N4BP2L1: variants seen among roughly 807,000 people sequenced by gnomAD.
The protein encoded by N4BP2L1 is NEDD4-binding protein 2-like 1.
N4BP2L1 carries 12 observed loss-of-function variants against 21.2 expected under a neutral mutation model. The ratio of observed to expected loss-of-function variants is 0.57; its 90% confidence interval spans 0.36 to 0.92. N4BP2L1 has a LOEUF of 0.92. N4BP2L1 is among the 40% of genes least tolerant of loss of function. The pLI, the probability that N4BP2L1 is intolerant of heterozygous loss-of-function variation, is 0.01. For synonymous variants in N4BP2L1, 104 were observed against 112.8 expected (o/e 0.92, Z 0.49); for missense variants, 259 against 310.6 (o/e 0.83, Z 1.25).
At chr13:32,406,115 TAGTC>T (rs1160675478) in intron 3 of N4BP2L1, among the ~76,000 whole-genome samples, 1 of 151,594 alleles carries the variant, frequency 6.6e-6, no homozygotes, top group Non-Finnish European at 1.5e-5. Context: ...TTCACCGTGT[TAGTC>T]AGGATGGTCT....
intron 1 of N4BP2L1, among the ~76,000 whole-genome samples, chr13:32,415,350 A>G (rs936891203): frequency 2.0e-5 from 3 of 152,238 alleles, no homozygotes; most frequent in African/African-American, 7.2e-5. Context: ...GTAGTTAACT[A>G]ACAGCTTTTG....
chr13:32,407,444 T>C (rs2073588783), intron 2 of N4BP2L1, 106 bp from the exon 3 acceptor site: 2 of 1,592,952 alleles, frequency 1.3e-6, no homozygotes, highest in Non-Finnish European at 8.5e-7. Context: ...CATCTCCTCA[T>C]CACACAACTT....
In N4BP2L1 at chr13:32,407,355, C is replaced by T. The variant is rs377472383; in HGVS notation, c.308-17G>A. 1.2e-6 allele frequency: 2 copies of T among 1,613,948 alleles called. No homozygotes were observed. Among genetic ancestry groups the T allele is most frequent in the African/African-American group, 2.7e-5 (2 of 74,898 alleles). ...CTTTTCTTGCTGCAACACAATGTTA[C>T]ATAACAGTGAACAACATGCAACAAT... On this transcript the variant is annotated splice_polypyrimidine_tract_variant and intron_variant, in intron 2 of 4. Transcript: ENST00000380130.
chr13:32,413,519 T>C (rs2073971276), intron 1 of N4BP2L1, among the ~76,000 whole-genome samples: 1 of 152,216 alleles, frequency 6.6e-6, no homozygotes, highest in Non-Finnish European at 1.5e-5. Context: ...CCCACCATGC[T>C]AAATTCAATG....
In N4BP2L1 at chr13:32,401,544, C is replaced by A. The variant is rs2073130374; in HGVS notation, c.*1398G>T. 1 of 152,130 alleles carries A rather than the reference C, an allele frequency of 6.6e-6. No individual in the cohort carries two copies. The highest frequency in any genetic ancestry group is 1.5e-5 in the Non-Finnish European group (1 of 67,996). The allele number at this position is 152,130 out of a possible 1,614,324, so 9.4% of individuals were successfully genotyped here. A position where few individuals can be genotyped will look rare whatever the true frequency, so the allele number is the denominator to read the frequency against. ...TTAAAACAGTCTCATGTACACAGAT[C>A]AAATATATAAGCAACTAAATTATAA... On this transcript the variant is annotated 3_prime_UTR_variant, in exon 5 of 5. Transcript: ENST00000380130.
chr13:32,427,608 G>A (rs1401981754), intron 1 of N4BP2L1, among the ~76,000 whole-genome samples: 1 of 152,104 alleles, frequency 6.6e-6, no homozygotes, highest in Non-Finnish European at 1.5e-5. Context: ...GCGCAGTACG[G>A]GAATCCGTCC....
chr13:32,424,501 G>A (rs910497778), intron 1 of N4BP2L1, among the ~76,000 whole-genome samples: 6 of 152,142 alleles, frequency 3.9e-5, no homozygotes, highest in African/African-American at 1.2e-4. Context: ...CCAGGCAGGC[G>A]CCTTCTCATA....
At chr13:32,414,761 A>G (rs921865355) in intron 1 of N4BP2L1, among the ~76,000 whole-genome samples, 3 of 152,208 alleles carry the variant, frequency 2.0e-5, no homozygotes, top group African/African-American at 7.2e-5. Flanking sequence ...ACAAATAAAG[A>G]AACTAGGGCT....
intron 3 of N4BP2L1, 42 bp from the exon 4 acceptor site, chr13:32,404,439 G>T: frequency 7.2e-7 from 1 of 1,393,756 alleles, no homozygotes; most frequent in South Asian, 1.2e-5. Context: ...GACATAGTAT[G>T]TATGTTTGGG....
intron 1 of N4BP2L1, among the ~76,000 whole-genome samples, chr13:32,422,321 C>T (rs948624469): frequency 5.3e-5 from 8 of 151,096 alleles, no homozygotes. Context: ...GAGATCACCC[C>T]CTTTCCGGCC....
At chr13:32,412,178 G>A (rs571498189) in intron 1 of N4BP2L1, among the ~76,000 whole-genome samples, 8 of 151,978 alleles carry the variant, frequency 5.3e-5, no homozygotes, top group South Asian at 2.1e-4. Flanking sequence ...AACTTCTCCC[G>A]CCACAACCTT....
chr13:32,418,203 C>T lies in N4BP2L1; in HGVS notation c.179+9701G>A, dbSNP rs539722108. Among the ~76,000 whole-genome samples, 6 of 152,194 alleles carry T rather than the reference C, an allele frequency of 3.9e-5. No individual in the cohort carries two copies. In the South Asian group the frequency reaches 6.2e-4, roughly 16 times the overall value. Reference sequence around the variant, plus strand: ...TTTCATGAGATGGGTCCTGGGCCCCCCTGCTGTGTGCAGCCTTGAAACTTT... The same window carrying T: ...TTTCATGAGATGGGTCCTGGGCCCCTCTGCTGTGTGCAGCCTTGAAACTTT... On this transcript the variant is annotated intron_variant, in intron 1 of 4. Coordinates refer to ENST00000380130, the MANE Select transcript of N4BP2L1 (RefSeq NM_052818.3).
chr13:32,428,239 C>T, upstream of N4BP2L1: 2 of 649,964 alleles, frequency 3.1e-6, no homozygotes, highest in Non-Finnish European at 4.5e-6. Context: ...AACCGTGCTG[C>T]GTGGGAGGGG....
rs191800292 is a variant in N4BP2L1, at chr13:32,423,304, C to T, written c.179+4600G>A. Among the ~76,000 whole-genome samples the T allele has an allele frequency of 7.4e-4, 112 of 152,284 alleles. 2 individuals are homozygous for T. Among genetic ancestry groups the T allele is most frequent in the Admixed American group, 4.2e-3 (64 of 15,294 alleles). Reference sequence around the variant, plus strand: ...AATAAGGAGAAAAGACAGCTGTCAGCGGGCATCCTTTGAGCCTAACTGAAT... The same window carrying T: ...AATAAGGAGAAAAGACAGCTGTCAGTGGGCATCCTTTGAGCCTAACTGAAT... On this transcript the variant is annotated intron_variant, in intron 1 of 4. Coordinates refer to ENST00000380130, the MANE Select transcript of N4BP2L1 (RefSeq NM_052818.3).
In N4BP2L1 at chr13:32,401,495, A is replaced by G. The variant is rs1382086322; in HGVS notation, c.*1447T>C. The stretch of plus-strand genomic sequence containing the variant: ...GTTGGTAGTCATGGAGATGTCGAGC[A>G]GGTTTCAGTAGTGTCAGATAACGTT... On this transcript the variant is annotated 3_prime_UTR_variant, in exon 5 of 5. Coordinates refer to ENST00000380130, the MANE Select transcript of N4BP2L1 (RefSeq NM_052818.3). 6.6e-6 allele frequency: 1 copy of G among 152,240 alleles called. No homozygotes were observed. The highest frequency in any genetic ancestry group is 1.5e-5 in the Non-Finnish European group (1 of 68,034). The allele number at this position is 152,240 out of a possible 1,614,324, so 9.4% of individuals were successfully genotyped here. A position where few individuals can be genotyped will look rare whatever the true frequency, so the allele number is the denominator to read the frequency against.
At chr13:32,422,045 C>T (rs934599183) in intron 1 of N4BP2L1, among the ~76,000 whole-genome samples, 1 of 152,046 alleles carries the variant, frequency 6.6e-6, no homozygotes, top group Non-Finnish European at 1.5e-5. Context: ...ACATCTCTCT[C>T]CAACACATCA....
chr13:32,424,572 C>G (rs567588674), intron 1 of N4BP2L1, among the ~76,000 whole-genome samples: 6 of 152,342 alleles, frequency 3.9e-5, no homozygotes, highest in African/African-American at 1.2e-4. Context: ...ACTCAGTGGA[C>G]ACCCACCTCG....
intron 3 of N4BP2L1, among the ~76,000 whole-genome samples, chr13:32,405,927 G>T (rs2073464894): frequency 9.3e-6 from 1 of 107,478 alleles, no homozygotes; most frequent in Non-Finnish European, 1.7e-5. Flanking sequence ...TTTTGAGACA[G>T]AGTCTCGCTC....
chr13:32,415,320 T>C (rs1251164441), intron 1 of N4BP2L1, among the ~76,000 whole-genome samples: 1 of 152,214 alleles, frequency 6.6e-6, no homozygotes, highest in African/African-American at 2.4e-5. Context: ...CAACAAAGTG[T>C]GCTTGCTAAA....
Sources: allele counts gnomAD v4.1 joint callset (sites outside exome capture counted in the v4.1 genomes callset), GRCh38; gene constraint gnomAD v4.1.1; transcripts MANE v1.5; gene names NCBI Gene and HGNC (gene_info 2026-07-23, HGNC 2026-07-21).